IREB2: variants seen among roughly 807,000 people sequenced by gnomAD.
The protein encoded by IREB2 is iron responsive element binding protein 2, also known as iron-responsive element-binding protein 2.
A neutral mutation model predicts 118.8 loss-of-function variants in IREB2; 39 were observed. The ratio of observed to expected loss-of-function variants is 0.33; its 90% confidence interval spans 0.25 to 0.43. IREB2 has a LOEUF of 0.43. Ranked by LOEUF, IREB2 falls within the 20% of genes least tolerant of loss-of-function variation. The pLI is 1.00. For missense variants in IREB2, 900 were observed against 1,147.3 expected (o/e 0.78, Z 3.11); for synonymous variants, 372 against 392.2 (o/e 0.95, Z 0.61).
chr15:78,458,213 T>G (rs2051137036), intron 2 of IREB2, among the ~76,000 whole-genome samples: 3 of 152,210 alleles, frequency 2.0e-5, no homozygotes, highest in Non-Finnish European at 4.4e-5. Flanking sequence ...TATGGGTCTT[T>G]GTGTGTGAAA....
intron 5 of IREB2, among the ~76,000 whole-genome samples, chr15:78,469,000 G>A (rs1278600675): frequency 6.6e-6 from 1 of 152,042 alleles, no homozygotes; most frequent in African/African-American, 2.4e-5. Context: ...CTGGCACATC[G>A]TAAGTGCTTA....
At chr15:78,450,825 TG>T (rs2051012491) in intron 2 of IREB2, among the ~76,000 whole-genome samples, 4 of 2,710 alleles carry the variant, frequency 1.5e-3, no homozygotes, top group Non-Finnish European at 2.3e-3. Flanking sequence ...TTAACAAATT[TG>T]TGTGTGTGTG....
At chr15:78,487,377 G>A (rs1342543835) in intron 13 of IREB2, among the ~76,000 whole-genome samples, 1 of 152,174 alleles carries the variant, frequency 6.6e-6, no homozygotes, top group Non-Finnish European at 1.5e-5. Flanking sequence ...TCAAAGGTTT[G>A]CATTCACCTT....
intron 13 of IREB2, among the ~76,000 whole-genome samples, chr15:78,487,265 A>G (rs952807580): frequency 1.7e-4 from 26 of 152,234 alleles, no homozygotes; most frequent in African/African-American, 6.0e-4. Context: ...AAACTCTTGG[A>G]TGGAAGTACA....
At chr15:78,478,419 T>C (rs771192436) in intron 10 of IREB2, 22 bp downstream of exon 10, 8 of 1,367,244 alleles carry the variant, frequency 5.9e-6, no homozygotes, top group Non-Finnish European at 7.3e-6. Flanking sequence ...ATAACCCACC[T>C]CGTAGCAAAG....
At chr15:78,478,175 A>C (rs1229862333) in intron 9 of IREB2, 122 bp from the exon 10 acceptor site, 1 of 628,458 alleles carries the variant, frequency 1.6e-6, no homozygotes, top group Non-Finnish European at 2.8e-6. Context: ...TCAAGGTTGC[A>C]GTGAGCTGTG....
chr15:78,488,479 GT>G, intron 15 of IREB2, 143 bp downstream of exon 15: 1 of 981,714 alleles, frequency 1.0e-6, no homozygotes, highest in Non-Finnish European at 1.5e-6. Flanking sequence ...TAATTTCTGT[GT>G]TTATGTGAAG....
chr15:78,450,159 G>C (rs2050999221), intron 2 of IREB2, among the ~76,000 whole-genome samples: 1 of 152,182 alleles, frequency 6.6e-6, no homozygotes, highest in Non-Finnish European at 1.5e-5. Context: ...GATAGCATCT[G>C]TGCTAAAGAA....
chr15:78,480,884 C>CT (rs1465396542), intron 10 of IREB2, among the ~76,000 whole-genome samples: 4 of 151,414 alleles, frequency 2.6e-5, no homozygotes, highest in Non-Finnish European at 4.4e-5. Flanking sequence ...TGGCATGCGC[C>CT]TGTAGTCCCA....
chr15:78,485,162 C>G (rs2051638822), intron 12 of IREB2, among the ~76,000 whole-genome samples: 1 of 152,174 alleles, frequency 6.6e-6, no homozygotes, highest in African/African-American at 2.4e-5. Flanking sequence ...GTATCTGCTT[C>G]TCTTGTTAAT....
chr15:78,462,240 C>A lies in IREB2; in HGVS notation c.107-682C>A, dbSNP rs544708400. Among the ~76,000 whole-genome samples, 30 of 152,268 alleles carry A rather than the reference C, an allele frequency of 2.0e-4. No homozygotes were observed. In the South Asian group the frequency reaches 2.1e-3, roughly 11 times the overall value. ...CTCCTTTAAACAGCTGCATGGTAAT[C>A]CATTGTGTGGATTACAGTGATTTAT... On this transcript the variant is annotated intron_variant, in intron 2 of 21. Transcript: ENST00000258886.
Position 78,451,353 on chromosome 15 carries a change from T to TA in IREB2, c.106+11485dup, listed in dbSNP as rs773693876. 1.4e-3 allele frequency among the ~76,000 whole-genome samples: 196 copies of TA among 141,076 alleles called. 1 individual carries two copies. The highest frequency in any genetic ancestry group is 2.0e-3 in the Non-Finnish European group (130 of 64,212). The allele number at this position is 141,076 out of a possible 152,430, so 92.6% of individuals were successfully genotyped here. A position where few individuals can be genotyped will look rare whatever the true frequency, so the allele number is the denominator to read the frequency against. ...TTCCTTCAAGTGAAAAACTGTTCTTTAAAAAAAAAAAAAGCTTAATTTTAG... is the reference window on the plus strand; with the variant it reads ...TTCCTTCAAGTGAAAAACTGTTCTTTAAAAAAAAAAAAAAGCTTAATTTTAG... On this transcript the variant is annotated intron_variant, in intron 2 of 21. Coordinates refer to ENST00000258886, the MANE Select transcript of IREB2 (RefSeq NM_004136.4).
intron 16 of IREB2, 27 bp from the exon 17 acceptor site, chr15:78,490,395 G>T: frequency 6.8e-7 from 1 of 1,467,390 alleles, no homozygotes. Context: ...CTTTGCTTTG[G>T]TTCATCAACG....
chr15:78,451,208 C>G (rs993731647), intron 2 of IREB2, among the ~76,000 whole-genome samples: 3 of 152,056 alleles, frequency 2.0e-5, no homozygotes, highest in Non-Finnish European at 4.4e-5. Flanking sequence ...TCAGATGATC[C>G]ACCCACCTCG....
Position 78,465,372 on chromosome 15 carries a change from A to G in IREB2, c.394A>G (p.Ile132Val). 6.2e-7 allele frequency: 1 copy of G among 1,611,664 alleles called. No homozygotes were observed. Among genetic ancestry groups the G allele is most frequent in the Non-Finnish European group, 8.5e-7 (1 of 1,179,324 alleles). ...TDLTVDHSLQ[I>V]DFSKCAIQNA... The stretch of plus-strand genomic sequence containing the variant: ...TCTTACAGTTGACCATTCTTTACAA[A>G]TTGACTTCAGTAAATGGTACTTCAA... The change falls in exon 4 of 22, where the codon ATT (isoleucine) becomes GTT (valine). Residue 132 changes from isoleucine (I) to valine (V), a missense_variant. Physicochemically the swap from Ile to Val is conservative, Grantham distance 29. Coordinates refer to ENST00000258886, the MANE Select transcript of IREB2 (RefSeq NM_004136.4).
In IREB2 at chr15:78,494,023, T is replaced by G. The variant is rs117858006; in HGVS notation, c.2439T>G (p.Ala813=). ...TTAATAAGTTTATTGGAAAACCAGC[T>G]CCTAAAACAATTCATTTTCCATCAG... is the stretch of plus-strand genomic sequence containing the variant. ...KLFNKFIGKP[A]PKTIHFPSGQ... is the part of the protein sequence containing the mutation. Residue 813 remains alanine, a synonymous_variant, in exon 19 of 22, where the codon GCT becomes GCG. Coordinates refer to ENST00000258886, the MANE Select transcript of IREB2 (RefSeq NM_004136.4). 4.8e-4 allele frequency: 775 copies of G among 1,614,122 alleles called. 1 individual carries two copies. Among genetic ancestry groups the G allele is most frequent in the Non-Finnish European group, 6.1e-4 (724 of 1,179,996 alleles).
intron 5 of IREB2, among the ~76,000 whole-genome samples, chr15:78,467,568 G>A (rs2051304520): frequency 6.6e-6 from 1 of 151,974 alleles, no homozygotes; most frequent in East Asian, 1.9e-4. Context: ...GCAGGAACCT[G>A]TAATCCCAGA....
rs2066559433 is a variant in IREB2, at chr15:78,465,347, T to G, written c.369T>G (p.Asp123Glu). The change falls in exon 4 of 22, where the codon GAT (aspartate) becomes GAG (glutamate). Residue 123 changes from aspartate to glutamate, a missense_variant. By Grantham distance (45) the Asp-to-Glu change is conservative. Transcript: ENST00000258886. ...PEKVHPACPT[D>E]LTVDHSLQID... ...AAGTCCATCCTGCTTGTCCGACAGA[T>G]CTTACAGTTGACCATTCTTTACAAA... 6.2e-7 allele frequency: 1 copy of G among 1,613,634 alleles called. No individual in the cohort carries two copies. Among genetic ancestry groups the G allele is most frequent in the South Asian group, 1.1e-5 (1 of 90,996 alleles).
rs2051465568 is a variant in IREB2, at chr15:78,476,132, C to T, written c.1024-56C>T. The T allele has an allele frequency of 3.1e-6, 4 of 1,291,570 alleles. No homozygotes were observed. In the Admixed American group the frequency reaches 6.5e-5, roughly 21 times the overall value. The allele number at this position is 1,291,570 out of a possible 1,614,324, so 80.0% of individuals were successfully genotyped here. On this transcript the variant is annotated intron_variant, in intron 8 of 21. Coordinates refer to ENST00000258886, the MANE Select transcript of IREB2 (RefSeq NM_004136.4). ...TTTTATTTTATAGTTTTCAGACAAT[C>T]GTTGCTAATCTTATCTTTGCAATTT...
Sources: allele counts gnomAD v4.1 joint callset (sites outside exome capture counted in the v4.1 genomes callset), GRCh38; gene constraint gnomAD v4.1.1; transcripts MANE v1.5; gene names NCBI Gene and HGNC (gene_info 2026-07-23, HGNC 2026-07-21).